The following LPP variants were observed in gnomAD, a reference collection of about 807,000 sequenced individuals.
The protein encoded by LPP is LIM domain containing preferred translocation partner in lipoma.
Under a neutral mutation model 60.4 loss-of-function variants are expected in LPP, and 38 were observed. The observed-to-expected ratio is 0.63, with a 90% CI of 0.49 to 0.83. The LOEUF (loss-of-function observed/expected upper bound fraction) is 0.83. Among genes scored for constraint, LPP ranks in the 40% least tolerant of loss-of-function variants. The probability of loss-of-function intolerance (pLI) is 0.00; values close to 1 mark genes in which losing one functional copy is unlikely to be tolerated. For synonymous variants in LPP, 328 were observed against 290.8 expected (o/e 1.13, Z -1.30); for missense variants, 902 against 783.6 (o/e 1.15, Z -1.80).
chr3:188,453,384 C>T (rs1797028409), intron 4 of LPP, among the ~76,000 whole-genome samples: 2 of 151,766 alleles, frequency 1.3e-5, no homozygotes, highest in Admixed American at 1.3e-4. Flanking sequence ...AAACACTCTT[C>T]ACCTTGTGCT....
intron 9 of LPP, among the ~76,000 whole-genome samples, chr3:188,767,055 T>G (rs1455242753): frequency 6.6e-6 from 1 of 152,220 alleles, no homozygotes; most frequent in Non-Finnish European, 1.5e-5. Flanking sequence ...CACCTACATA[T>G]GCTTTCTGAA....
At chr3:188,238,129 C>T (rs1722567337) in intron 2 of LPP, among the ~76,000 whole-genome samples, 1 of 152,158 alleles carries the variant, frequency 6.6e-6, no homozygotes, top group Admixed American at 6.5e-5. Flanking sequence ...TTCCTTAAAC[C>T]TCAGGAACCA....
At chr3:188,368,717 CACAGAGAGAGAGAGAG>C (rs1772046802) in intron 3 of LPP, among the ~76,000 whole-genome samples, 2 of 105,604 alleles carry the variant, frequency 1.9e-5, no homozygotes, top group East Asian at 3.8e-4. Flanking sequence ...CACACACACA[CACAGAGAGAGAGAGAG>C]AGAGAGAGAG....
At chr3:188,478,816 C>A (rs1432483805) in intron 4 of LPP, among the ~76,000 whole-genome samples, 1 of 152,100 alleles carries the variant, frequency 6.6e-6, no homozygotes, top group Non-Finnish European at 1.5e-5. Flanking sequence ...AGTACAGTGG[C>A]TCCATCTCGG....
At chr3:188,719,414 G>A (rs376151580) in intron 8 of LPP, among the ~76,000 whole-genome samples, 26 of 152,154 alleles carry the variant, frequency 1.7e-4, no homozygotes, top group African/African-American at 6.3e-4. Context: ...CCCAAGATTG[G>A]TGTTTCATAC....
intron 2 of LPP, among the ~76,000 whole-genome samples, chr3:188,245,307 T>C (rs992113280): frequency 2.6e-5 from 4 of 152,164 alleles, no homozygotes; most frequent in Admixed American, 2.6e-4. Flanking sequence ...GAGACAGGGT[T>C]TCATCATGTT....
intron 1 of LPP, among the ~76,000 whole-genome samples, chr3:188,171,568 AG>A (rs1299325977): frequency 6.6e-6 from 1 of 152,238 alleles, no homozygotes; most frequent in South Asian, 2.1e-4. Context: ...GGTCCTGGCC[AG>A]CTACAAATCT....
At chr3:188,538,745 T>G (rs755903482) in intron 6 of LPP, among the ~76,000 whole-genome samples, 2 of 152,212 alleles carry the variant, frequency 1.3e-5, no homozygotes, top group Non-Finnish European at 2.9e-5. Context: ...CATAGCAACA[T>G]GATTCATAAC....
At chr3:188,414,864 C>T (rs1785771149) in intron 4 of LPP, among the ~76,000 whole-genome samples, 2 of 152,140 alleles carry the variant, frequency 1.3e-5, no homozygotes, top group African/African-American at 4.8e-5. Flanking sequence ...GGGATTCCTT[C>T]TCTGGTTGCC....
chr3:188,765,153 G>C (rs1577409648), intron 9 of LPP, among the ~76,000 whole-genome samples: 1 of 152,158 alleles, frequency 6.6e-6, no homozygotes, highest in Non-Finnish European at 1.5e-5. Flanking sequence ...GCTTTATGTG[G>C]ATGTTGGAAA....
At chr3:188,771,358 G>A (rs914163236) in intron 9 of LPP, among the ~76,000 whole-genome samples, 1 of 151,986 alleles carries the variant, frequency 6.6e-6, no homozygotes, top group Non-Finnish European at 1.5e-5. Flanking sequence ...AGACCAGACT[G>A]GCTAACATAG....
intron 3 of LPP, among the ~76,000 whole-genome samples, chr3:188,401,671 T>C (rs957079701): frequency 2.6e-5 from 4 of 152,218 alleles, no homozygotes; most frequent in Non-Finnish European, 5.9e-5. Flanking sequence ...TTAACAGACA[T>C]TTTTATTGAG....
At chr3:188,818,949 A>C (rs1166477851) in intron 9 of LPP, among the ~76,000 whole-genome samples, 1 of 151,364 alleles carries the variant, frequency 6.6e-6, no homozygotes, top group Non-Finnish European at 1.5e-5. Context: ...TTGTCTGGTA[A>C]TTGTCATGAG....
At chr3:188,168,374 C>G (rs1353543225) in intron 1 of LPP, among the ~76,000 whole-genome samples, 1 of 152,130 alleles carries the variant, frequency 6.6e-6, no homozygotes, top group African/African-American at 2.4e-5. Flanking sequence ...ATGGCGACAT[C>G]CTGGAAATTT....
At chr3:188,168,073 A>G (rs1345663531) in intron 1 of LPP, among the ~76,000 whole-genome samples, 1 of 152,236 alleles carries the variant, frequency 6.6e-6, no homozygotes, top group East Asian at 1.9e-4. Context: ...AGGGCTAAAA[A>G]TGTTTAATGT....
At chr3:188,639,927 A>G (rs927380102) in intron 7 of LPP, among the ~76,000 whole-genome samples, 41 of 152,042 alleles carry the variant, frequency 2.7e-4, no homozygotes, top group Admixed American at 5.9e-4. Context: ...GTGGGACTGT[A>G]AACTAGTTCA....
At chr3:188,165,536 A>G (rs200042276) in intron 1 of LPP, among the ~76,000 whole-genome samples, 2 of 152,194 alleles carry the variant, frequency 1.3e-5, no homozygotes, top group East Asian at 3.9e-4. Context: ...TAGGGTCTAC[A>G]TTGAGAGAAA....
intron 7 of LPP, among the ~76,000 whole-genome samples, chr3:188,705,120 T>C (rs1865226636): frequency 1.3e-5 from 2 of 152,232 alleles, no homozygotes; most frequent in Admixed American, 1.3e-4. Flanking sequence ...ATTCATGGAT[T>C]ACAAAAGTAG....
chr3:188,449,482 A>T (rs1796096389), intron 4 of LPP, among the ~76,000 whole-genome samples: 1 of 152,090 alleles, frequency 6.6e-6, no homozygotes, highest in Non-Finnish European at 1.5e-5. Flanking sequence ...GCTCTCTTTC[A>T]AGTCCTTTAA....
Sources: allele counts gnomAD v4.1 joint callset (sites outside exome capture counted in the v4.1 genomes callset), GRCh38; gene constraint gnomAD v4.1.1; transcripts MANE v1.5; gene names NCBI Gene and HGNC (gene_info 2026-07-23, HGNC 2026-07-21).